Variants in KCNQ1 observed in about 807,000 individuals in gnomAD.
KCNQ1 encodes the protein potassium voltage-gated channel subfamily KQT member 1.
In KCNQ1, 49 loss-of-function variants were observed where a neutral mutation model predicts 72.4. That is an observed-to-expected ratio of 0.68 (90% CI 0.54 to 0.86). The LOEUF is 0.86. KCNQ1 is among the 40% of genes least tolerant of loss of function. The pLI, the probability that KCNQ1 is intolerant of heterozygous loss-of-function variation, is 0.00. For missense variants in KCNQ1, 790 were observed against 945.1 expected (o/e 0.84, Z 2.15); for synonymous variants, 450 against 412.6 (o/e 1.09, Z -1.10).
Position 2,583,650 on chromosome 11 carries a change from A to G in KCNQ1, c.1032+105A>G, listed in dbSNP as rs1409061427. On this transcript the variant is annotated intron_variant, in intron 7 of 15. Coordinates refer to ENST00000155840, the MANE Select transcript of KCNQ1 (RefSeq NM_000218.3). Reference sequence around the variant, plus strand: ...GCAGACCCACTTACGTTCAGAACCAAGAGGGTGCTTCCCTTCTAGAAGGTG... The same window carrying G: ...GCAGACCCACTTACGTTCAGAACCAGGAGGGTGCTTCCCTTCTAGAAGGTG... 8.5e-6 allele frequency: 7 copies of G among 820,372 alleles called. No individual in the cohort carries two copies. In the East Asian group the frequency reaches 1.7e-4, roughly 20 times the overall value. The allele number at this position is 820,372 out of a possible 1,614,324, so 50.8% of individuals were successfully genotyped here.
chr11:2,669,353 T>C lies in KCNQ1; in HGVS notation c.1514+7272T>C. On this transcript the variant is annotated intron_variant, in intron 11 of 15. Transcript: ENST00000155840. The surrounding 1 kb of genome is among the most constrained non-coding windows in gnomAD (Gnocchi z 5.6). ...AGGCGCAGCAGCCTCTAGATGGGCA[T>C]GGGAGAATGGGTATCCTTATAGTTT... 2.5e-6 allele frequency: 1 copy of C among 398,664 alleles called. No individual in the cohort carries two copies. The highest frequency in any genetic ancestry group is 4.4e-5 in the Admixed American group (1 of 22,742). 24.7% of individuals were successfully genotyped at this position (398,664 alleles called of 1,614,324 possible).
At position 2,483,995 on chromosome 11, in the gene KCNQ1, G is replaced by A. The variant is rs893414560; in HGVS notation, c.386+38511G>A. On this transcript the variant is annotated intron_variant, in intron 1 of 15. Transcript: ENST00000155840. The surrounding 1 kb of genome is among the most constrained non-coding windows in gnomAD (Gnocchi z 6.1). ...TGTGGTGCTTGCCAAATGGGGATTT[G>A]TTTATTTCCCACTTTCTTTCTATGT... 6.6e-6 allele frequency among the ~76,000 whole-genome samples: 1 copy of A among 152,110 alleles called. No homozygotes were observed. Among genetic ancestry groups the A allele is most frequent in the Non-Finnish European group, 1.5e-5 (1 of 68,012 alleles).
At position 2,782,456 on chromosome 11, in the gene KCNQ1, C is replaced by T. The variant is rs1480204515; in HGVS notation, c.1794+4419C>T. ...GGCTTTGGTGTCAAATGTATGTGAG[C>T]CTCACAGACTAACTTAAGAAGTGTT... On this transcript the variant is annotated intron_variant, in intron 15 of 15. Coordinates refer to ENST00000155840, the MANE Select transcript of KCNQ1 (RefSeq NM_000218.3). This position sits in a 1 kb window ranked among gnomAD's most constrained non-coding sequence, Gnocchi z 6.1. 6.6e-6 allele frequency among the ~76,000 whole-genome samples: 1 copy of T among 152,162 alleles called. No individual in the cohort carries two copies. The highest frequency in any genetic ancestry group is 1.5e-5 in the Non-Finnish European group (1 of 68,036).
At position 2,601,108 on chromosome 11, in the gene KCNQ1, C is replaced by T. The variant is rs1398268341; in HGVS notation, c.1393+12254C>T. 1.3e-5 allele frequency among the ~76,000 whole-genome samples: 2 copies of T among 151,478 alleles called. No homozygotes were observed. Among genetic ancestry groups the T allele is most frequent in the Non-Finnish European group, 2.9e-5 (2 of 67,962 alleles). On this transcript the variant is annotated intron_variant, in intron 10 of 15. Coordinates refer to ENST00000155840, the MANE Select transcript of KCNQ1 (RefSeq NM_000218.3). This position sits in a 1 kb window ranked among gnomAD's most constrained non-coding sequence, Gnocchi z 5.2. ...GTTAAAAAAAAAAAAAAAGTCTCTC[C>T]AGATTTAAATGCTTTTGGAAACCAG...
intron 15 of KCNQ1, among the ~76,000 whole-genome samples, chr11:2,821,176 C>A (rs1340693882): frequency 6.6e-6 from 1 of 152,214 alleles, no homozygotes; most frequent in African/African-American, 2.4e-5. Context: ...GGTGCTGTAG[C>A]AACACGGGTG....
At chr11:2,637,817 C>G (rs186678588) in intron 10 of KCNQ1, 6 of 152,284 alleles carry the variant, frequency 3.9e-5, no homozygotes, top group Admixed American at 2.6e-4. Flanking sequence ...GTGTGGGAGT[C>G]TGTCTCTTTG....
intron 11 of KCNQ1, among the ~76,000 whole-genome samples, chr11:2,736,588 C>T (rs1172359139): frequency 1.3e-5 from 2 of 152,180 alleles, no homozygotes; most frequent in Admixed American, 1.3e-4. Flanking sequence ...CAGCTCATCG[C>T]CATAGCGGCT....
At chr11:2,727,336 T>C (rs750770934) in intron 11 of KCNQ1, among the ~76,000 whole-genome samples, 63 of 152,312 alleles carry the variant, frequency 4.1e-4, no homozygotes, top group Middle Eastern at 6.8e-3. Context: ...TTTCTTCATC[T>C]GTAAAACAGG....
rs1259781898 is a variant in KCNQ1, at chr11:2,654,166, C to G, written c.1394-7795C>G. On this transcript the variant is annotated intron_variant, in intron 10 of 15. Coordinates refer to ENST00000155840, the MANE Select transcript of KCNQ1 (RefSeq NM_000218.3). This position sits in a 1 kb window ranked among gnomAD's most constrained non-coding sequence, Gnocchi z 6.4. The stretch of plus-strand genomic sequence containing the variant: ...GGGTCTATGAGCCGGGCATGGGCAG[C>G]TGGCACAGGCTGTGGGGCTGCGGCT... The G allele has an allele frequency of 2.5e-6, 1 of 398,548 alleles. No individual in the cohort carries two copies. Among genetic ancestry groups the G allele is most frequent in the Admixed American group, 4.4e-5 (1 of 22,716 alleles). 24.7% of individuals were successfully genotyped at this position (398,548 alleles called of 1,614,324 possible).
In KCNQ1 at chr11:2,674,108, T is replaced by G. The variant is rs1590023352; in HGVS notation, c.1514+12027T>G. 2 of 397,086 alleles carry G rather than the reference T, an allele frequency of 5.0e-6. No individual in the cohort carries two copies. The allele number at this position is 397,086 out of a possible 1,614,324, so 24.6% of individuals were successfully genotyped here. A position where few individuals can be genotyped will look rare whatever the true frequency, so the allele number is the denominator to read the frequency against. On this transcript the variant is annotated intron_variant, in intron 11 of 15. Coordinates refer to ENST00000155840, the MANE Select transcript of KCNQ1 (RefSeq NM_000218.3). The surrounding 1 kb of genome is among the most constrained non-coding windows in gnomAD (Gnocchi z 5.9). Reference sequence around the variant, plus strand: ...GTCTCCCTGCCGGTGGGGAGGGAGGTGTGGAAGCTGGTTTGCCGGGGCCAC... The same window carrying G: ...GTCTCCCTGCCGGTGGGGAGGGAGGGGTGGAAGCTGGTTTGCCGGGGCCAC...
At chr11:2,501,715 CATCAAAAAAAA>C (rs1847012814) in intron 1 of KCNQ1, among the ~76,000 whole-genome samples, 1 of 15,378 alleles carries the variant, frequency 6.5e-5, no homozygotes, top group African/African-American at 1.8e-4. Context: ...GACAAAGATA[CATCAAAAAAAA>C]AAAAAAAAAA....
intron 10 of KCNQ1, chr11:2,643,036 A>G: frequency 5.0e-6 from 2 of 398,012 alleles, no homozygotes; most frequent in Non-Finnish European, 8.9e-6. Flanking sequence ...TATGAATCCA[A>G]TTTAAAATAT....
intron 6 of KCNQ1, among the ~76,000 whole-genome samples, chr11:2,581,677 C>A (rs750055382): frequency 6.6e-6 from 1 of 152,266 alleles, no homozygotes; most frequent in Non-Finnish European, 1.5e-5. Context: ...ATGACCTTGT[C>A]ATCTGTGTGA....
At position 2,571,357 on chromosome 11, in the gene KCNQ1, C is replaced by T; in HGVS notation, c.637C>T (p.Leu213Phe). ...CGTGGTCGTGGCCTCCATGGTGGTC[C>T]TCTGCGTGGGCTCCAAGGGGCAGGT... is the stretch of plus-strand genomic sequence containing the variant. ...LIVVVASMVV[L>F]CVGSKGQVFA... Residue 213 changes from leucine to phenylalanine, a missense_variant, in exon 4 of 16, where the codon CTC becomes TTC. Around this residue, in one of 5 missense-constraint regions of KCNQ1, gnomAD observed 294 missense variants for 323.3 expected, o/e 0.91. Transcript: ENST00000155840. 1 of 1,613,242 alleles carries T rather than the reference C, an allele frequency of 6.2e-7. No individual in the cohort carries two copies. The highest frequency in any genetic ancestry group is 8.5e-7 in the Non-Finnish European group (1 of 1,179,974).
chr11:2,705,298 C>T (rs75294921), intron 11 of KCNQ1, among the ~76,000 whole-genome samples: 7,916 of 152,190 alleles, frequency 0.052, 262 homozygotes, highest in Middle Eastern at 0.15. Flanking sequence ...AGTGGCAGCA[C>T]GGGGTGTGGG....
At position 2,664,970 on chromosome 11, in the gene KCNQ1, G is replaced by T. The variant is rs1850037923; in HGVS notation, c.1514+2889G>T. ...TCACTATAGCCTTGATTACGGGAAG[G>T]TCCCTGGGGCTGGGCGAAGCTCCTC... On this transcript the variant is annotated intron_variant, in intron 11 of 15. Coordinates refer to ENST00000155840, the MANE Select transcript of KCNQ1 (RefSeq NM_000218.3). The surrounding 1 kb of genome is among the most constrained non-coding windows in gnomAD (Gnocchi z 5.1). 2.5e-6 allele frequency: 1 copy of T among 398,654 alleles called. No individual in the cohort carries two copies. The highest frequency in any genetic ancestry group is 4.4e-6 in the Non-Finnish European group (1 of 226,114). 24.7% of individuals were successfully genotyped at this position (398,654 alleles called of 1,614,324 possible). A position where few individuals can be genotyped will look rare whatever the true frequency, so the allele number is the denominator to read the frequency against.
chr11:2,486,549 G>T lies in KCNQ1; in HGVS notation c.386+41065G>T, dbSNP rs1253993274. On this transcript the variant is annotated intron_variant, in intron 1 of 15. Transcript: ENST00000155840. The surrounding 1 kb of genome is among the most constrained non-coding windows in gnomAD (Gnocchi z 5.0). ...TTTGTTGCCTGTGCCTTTGGTCTTT[G>T]TGTTAGTCCATTTAGCATTGCTATA... Among the ~76,000 whole-genome samples the T allele has an allele frequency of 6.6e-6, 1 of 152,128 alleles. No individual in the cohort carries two copies. Among genetic ancestry groups the T allele is most frequent in the Admixed American group, 6.5e-5 (1 of 15,278 alleles).
chr11:2,509,761 G>A lies in KCNQ1; in HGVS notation c.387-18167G>A, dbSNP rs936254309. On this transcript the variant is annotated intron_variant, in intron 1 of 15. Coordinates refer to ENST00000155840, the MANE Select transcript of KCNQ1 (RefSeq NM_000218.3). This position sits in a 1 kb window ranked among gnomAD's most constrained non-coding sequence, Gnocchi z 6.3. ...GGAAAGAAAAGAGGGGCTTCCGGGG[G>A]TGGGGAGCGGGGCTGGGCGGCTGCT... Among the ~76,000 whole-genome samples, 2 of 152,140 alleles carry A rather than the reference G, an allele frequency of 1.3e-5. No homozygotes were observed. Among genetic ancestry groups the A allele is most frequent in the African/African-American group, 2.4e-5 (1 of 41,422 alleles).
rs1265413792 is a variant in KCNQ1 at position 2,698,548 on chromosome 11, C to T, written c.1514+36467C>T. ...CCCCCAACTCAGACTGCAACCTTTA[C>T]TTCGCCCCCTAATTCCTGACTCAGA... On this transcript the variant is annotated intron_variant, in intron 11 of 15. Coordinates refer to ENST00000155840, the MANE Select transcript of KCNQ1 (RefSeq NM_000218.3). The surrounding 1 kb of genome is among the most constrained non-coding windows in gnomAD (Gnocchi z 5.1). 5.0e-6 allele frequency: 2 copies of T among 398,426 alleles called. No homozygotes were observed. The highest frequency in any genetic ancestry group is 7.1e-5 in the East Asian group (2 of 28,072). 24.7% of individuals were successfully genotyped at this position (398,426 alleles called of 1,614,324 possible). A position where few individuals can be genotyped will look rare whatever the true frequency, so the allele number is the denominator to read the frequency against.
Sources: allele counts gnomAD v4.1 joint callset (sites outside exome capture counted in the v4.1 genomes callset), GRCh38; gene constraint gnomAD v4.1.1; regional missense constraint gnomAD v4.1.1; non-coding constraint Gnocchi (gnomAD v3.1); transcripts MANE v1.5; gene names NCBI Gene and HGNC (gene_info 2026-07-23, HGNC 2026-07-21).